The following MAPK10 variants were observed in gnomAD, a reference collection of about 807,000 sequenced individuals.
MAPK10 encodes the protein mitogen-activated protein kinase 10, also known as JNK3 alpha protein kinase.
MAPK10 carries 25 observed loss-of-function variants against 59.3 expected under a neutral mutation model. The observed-to-expected ratio is 0.42, with a 90% CI of 0.31 to 0.59. MAPK10 has a LOEUF of 0.59. Among genes scored for constraint, MAPK10 ranks in the 20% least tolerant of loss-of-function variants. The pLI is 0.15. For missense variants in MAPK10, 351 were observed against 568.9 expected (o/e 0.62, Z 3.90); for synonymous variants, 190 against 200.5 (o/e 0.95, Z 0.44).
At chr4:86,556,100 C>T (rs914027346) in intron 1 of MAPK10, among the ~76,000 whole-genome samples, 14 of 152,158 alleles carry the variant, frequency 9.2e-5, no homozygotes, top group Admixed American at 5.2e-4. Context: ...CCTCCTGTGC[C>T]GTTTCAGAAA....
At chr4:86,386,413 G>A (rs750318374) in intron 1 of MAPK10, among the ~76,000 whole-genome samples, 2 of 152,132 alleles carry the variant, frequency 1.3e-5, no homozygotes, top group Non-Finnish European at 2.9e-5. Flanking sequence ...AAATCCCTGT[G>A]GAGAAAAGAT....
At chr4:86,113,733 G>A (rs1395553366) in intron 4 of MAPK10, among the ~76,000 whole-genome samples, 2 of 152,078 alleles carry the variant, frequency 1.3e-5, no homozygotes, top group Non-Finnish European at 2.9e-5. Flanking sequence ...GGGTTCTTTG[G>A]ATTTCCTGAA....
chr4:86,110,251 T>C (rs191308898), intron 4 of MAPK10, among the ~76,000 whole-genome samples: 37 of 152,334 alleles, frequency 2.4e-4, no homozygotes, highest in African/African-American at 7.7e-4. Flanking sequence ...TTGTCCTTTT[T>C]TGCTTTTGTT....
At chr4:86,364,694 C>T (rs1301364643), upstream of MAPK10, among the ~76,000 whole-genome samples, 1 of 152,054 alleles carries the variant, frequency 6.6e-6, no homozygotes, top group African/African-American at 2.4e-5. Flanking sequence ...AAAACCAAAA[C>T]TCTTGGTCAG....
intron 1 of MAPK10, among the ~76,000 whole-genome samples, chr4:86,575,195 CCT>C (rs1475444613): frequency 3.4e-4 from 52 of 152,290 alleles, no homozygotes; most frequent in African/African-American, 4.1e-4. Context: ...CTGATTCTCC[CCT>C]GATTCTCAGG....
At chr4:86,236,908 G>A (rs180690678) in intron 2 of MAPK10, among the ~76,000 whole-genome samples, 3 of 152,214 alleles carry the variant, frequency 2.0e-5, no homozygotes, top group South Asian at 2.1e-4. Context: ...TGTGCAGAAC[G>A]TGCAGGTTTG....
intron 2 of MAPK10, among the ~76,000 whole-genome samples, chr4:86,309,815 A>G (rs1312457466): frequency 6.6e-6 from 1 of 152,216 alleles, no homozygotes; most frequent in Non-Finnish European, 1.5e-5. Flanking sequence ...AGTGCTTAAT[A>G]AACGCAACCT....
chr4:86,103,319 T>C, intron 5 of MAPK10, 75 bp from the exon 6 acceptor site: 1 of 830,080 alleles, frequency 1.2e-6, no homozygotes, highest in South Asian at 1.5e-5. Flanking sequence ...TTAAATTGTA[T>C]TTCAACTCAA....
chr4:86,098,653 T>C (rs1181770552), intron 8 of MAPK10, 58 bp from the exon 9 acceptor site: 1 of 1,316,094 alleles, frequency 7.6e-7, no homozygotes, highest in Non-Finnish European at 1.1e-6. Context: ...TTAACTAAGA[T>C]AATTGACTTC....
intron 11 of MAPK10, among the ~76,000 whole-genome samples, chr4:86,040,675 T>C (rs937470116): frequency 6.6e-6 from 1 of 152,006 alleles, no homozygotes; most frequent in South Asian, 2.1e-4. Flanking sequence ...AGATATATCA[T>C]AATGAAATCA....
At chr4:86,252,480 T>C (rs1035699718) in intron 2 of MAPK10, among the ~76,000 whole-genome samples, 2 of 141,186 alleles carry the variant, frequency 1.4e-5, no homozygotes, top group Non-Finnish European at 3.0e-5. Flanking sequence ...ATCAGATAGT[T>C]GTAGGTATGC....
At chr4:86,437,204 ACT>A (rs1748863539) in intron 1 of MAPK10, among the ~76,000 whole-genome samples, 1 of 135,614 alleles carries the variant, frequency 7.4e-6, no homozygotes. Flanking sequence ...ACAGAGTGAG[ACT>A]CTGTCTCAAA....
rs530568842 is a variant in MAPK10, at chr4:86,581,883, C to T, written c.-263+12027G>A. Among the ~76,000 whole-genome samples the T allele has an allele frequency of 2.4e-3, 321 of 132,126 alleles. 2 individuals carry two copies. Among genetic ancestry groups the T allele is most frequent in the African/African-American group, 8.8e-3 (307 of 35,018 alleles). 86.7% of individuals were successfully genotyped at this position (132,126 alleles called of 152,430 possible). On this transcript the variant is annotated intron_variant, in intron 1 of 4. Coordinates refer to the MAPK10 transcript ENST00000502302. The stretch of plus-strand genomic sequence containing the variant: ...TAAGTTTCTGGAAATTAGTAAAACA[C>T]TTTAAGCTATATATATTATATATAT...
At chr4:86,576,395 C>T (rs1761890539) in intron 1 of MAPK10, among the ~76,000 whole-genome samples, 1 of 152,054 alleles carries the variant, frequency 6.6e-6, no homozygotes, top group Admixed American at 6.5e-5. Context: ...GGGGGTGTGG[C>T]AGGTAGAGTA....
intron 1 of MAPK10, among the ~76,000 whole-genome samples, chr4:86,552,085 A>G (rs1041757444): frequency 4.6e-5 from 7 of 152,098 alleles, no homozygotes; most frequent in African/African-American, 1.7e-4. Context: ...AAAGAAACAA[A>G]GATGAGAAAA....
intron 1 of MAPK10, among the ~76,000 whole-genome samples, chr4:86,425,971 A>T (rs1460585906): frequency 6.6e-6 from 1 of 152,196 alleles, no homozygotes; most frequent in Non-Finnish European, 1.5e-5. Context: ...ACTCTGTCTC[A>T]AAAAGAAAAG....
chr4:86,365,209 A>T (rs1316336133), intron 1 of MAPK10, among the ~76,000 whole-genome samples: 2 of 152,092 alleles, frequency 1.3e-5, no homozygotes, highest in Non-Finnish European at 2.9e-5. Flanking sequence ...AGGCAGGTGG[A>T]TCACTTGAGG....
chr4:86,448,476 G>T (rs1382215850), intron 1 of MAPK10, among the ~76,000 whole-genome samples: 1 of 151,620 alleles, frequency 6.6e-6, no homozygotes, highest in Non-Finnish European at 1.5e-5. Flanking sequence ...TCCTATCCAA[G>T]AACATAATAT....
chr4:86,487,358 A>AGTGTGTGT (rs1231783501), intron 1 of MAPK10, among the ~76,000 whole-genome samples: 5 of 38,480 alleles, frequency 1.3e-4, no homozygotes, highest in South Asian at 1.5e-3. Flanking sequence ...AAAGAGAGAG[A>AGTGTGTGT]GAGAGTGTGT....
Sources: gnomAD v4.1 joint callset for allele counts (sites outside exome capture counted in the v4.1 genomes callset) on GRCh38, gnomAD v4.1.1 for gene constraint, MANE v1.5 for transcripts, NCBI Gene and HGNC (gene_info 2026-07-23, HGNC 2026-07-21) for gene names.